ARK2C: variants seen among roughly 807,000 people sequenced by gnomAD.
ARK2C encodes the protein E3 ubiquitin-protein ligase ARK2C.
At chr18:46,337,525 T>C in the ARK2C span, 1 of 985,426 alleles carries the variant, frequency 1.0e-6, no homozygotes, top group Non-Finnish European at 1.2e-6. Flanking sequence ...TTTGTTCTGT[T>C]GCCCTTCCGA....
the ARK2C span, among the ~76,000 whole-genome samples, chr18:46,441,578 ACTACT>A: frequency 9.0e-4 from 137 of 152,330 alleles, no homozygotes; most frequent in African/African-American, 3.2e-3. Flanking sequence ...AATCATTTGT[ACTACT>A]CTTTAGAAAA....
the ARK2C span, among the ~76,000 whole-genome samples, chr18:46,376,410 C>T: frequency 6.6e-6 from 1 of 152,198 alleles, no homozygotes; most frequent in African/African-American, 2.4e-5. Flanking sequence ...CCTGGACTGC[C>T]TAGTTTTGAA....
the ARK2C span, among the ~76,000 whole-genome samples, chr18:46,424,230 T>G: frequency 6.6e-6 from 1 of 152,116 alleles, no homozygotes; most frequent in Non-Finnish European, 1.5e-5. Context: ...GATGCAATGG[T>G]CTGGCAAAGC....
At chr18:46,443,926 A>C in the ARK2C span, among the ~76,000 whole-genome samples, 1 of 152,216 alleles carries the variant, frequency 6.6e-6, no homozygotes, top group South Asian at 2.1e-4. Flanking sequence ...CACTTCTTGT[A>C]GTAACAGTCT....
chr18:46,447,752 T>A, the ARK2C span: 1 of 1,602,504 alleles, frequency 6.2e-7, no homozygotes, highest in African/African-American at 1.3e-5. Flanking sequence ...GTCTGAGGCC[T>A]GCGGTCCCCT....
At chr18:46,380,237 T>C in the ARK2C span, among the ~76,000 whole-genome samples, 1 of 152,192 alleles carries the variant, frequency 6.6e-6, no homozygotes, top group African/African-American at 2.4e-5. Context: ...TCCTCTCCTA[T>C]GGCATCTGGC....
chr18:46,369,997 T>C, the ARK2C span, among the ~76,000 whole-genome samples: 1 of 152,228 alleles, frequency 6.6e-6, no homozygotes, highest in South Asian at 2.1e-4. Context: ...TGGGAATGAT[T>C]CTGGTGTGGA....
chr18:46,387,557 T>TC, the ARK2C span, among the ~76,000 whole-genome samples: 1 of 152,248 alleles, frequency 6.6e-6, no homozygotes, highest in African/African-American at 2.4e-5. Context: ...TCCCTGTGCT[T>TC]CCCGGCACCA....
chr18:46,439,705 A>T, the ARK2C span, among the ~76,000 whole-genome samples: 5 of 8,554 alleles, frequency 5.8e-4, no homozygotes, highest in African/African-American at 1.8e-3. Flanking sequence ...CTTTTTTATT[A>T]AAAAAAACCC....
the ARK2C span, chr18:46,335,348 T>G: frequency 6.6e-6 from 1 of 152,156 alleles, no homozygotes; most frequent in Non-Finnish European, 1.5e-5. Flanking sequence ...CACATTCTGC[T>G]ACAACAATAG....
the ARK2C span, among the ~76,000 whole-genome samples, chr18:46,440,004 A>G: frequency 2.0e-5 from 3 of 152,066 alleles, no homozygotes; most frequent in African/African-American, 4.8e-5. Flanking sequence ...TAATTTTTGT[A>G]TTTTTAGTAG....
chr18:46,334,201 C>T, the ARK2C span: 7 of 949,326 alleles, frequency 7.4e-6, no homozygotes, highest in Non-Finnish European at 8.8e-6. This position sits in a 1 kb window ranked among gnomAD's most constrained non-coding sequence, Gnocchi z 4.4. Context: ...CCGCCGCCCG[C>T]GCCCGCGCCC....
the ARK2C span, among the ~76,000 whole-genome samples, chr18:46,411,488 C>G: frequency 2.6e-5 from 4 of 152,178 alleles, no homozygotes; most frequent in East Asian, 1.9e-4. Context: ...CACCAAGTCC[C>G]CTTTGCTATC....
chr18:46,450,835 G>C, the ARK2C span: 1 of 1,494,836 alleles, frequency 6.7e-7, no homozygotes. Flanking sequence ...CATAGTCAGG[G>C]AATGGGGCAG....
chr18:46,449,270 G>A, the ARK2C span, among the ~76,000 whole-genome samples: 1 of 152,174 alleles, frequency 6.6e-6, no homozygotes, highest in Admixed American at 6.5e-5. Flanking sequence ...AGGCGAGTGA[G>A]GCAGGCCATG....
At chr18:46,384,297 C>T in the ARK2C span, among the ~76,000 whole-genome samples, 3 of 152,204 alleles carry the variant, frequency 2.0e-5, no homozygotes, top group Admixed American at 6.5e-5. Flanking sequence ...TCACCTGGTG[C>T]TCCCCGTAGT....
the ARK2C span, among the ~76,000 whole-genome samples, chr18:46,447,064 A>G: frequency 6.6e-6 from 1 of 152,200 alleles, no homozygotes; most frequent in Non-Finnish European, 1.5e-5. Context: ...TTTTAAGCAA[A>G]ATGAATTTTT....
the ARK2C span, among the ~76,000 whole-genome samples, chr18:46,452,853 C>T: frequency 2.0e-5 from 3 of 152,150 alleles, no homozygotes; most frequent in African/African-American, 7.2e-5. Context: ...CCCCTTATAA[C>T]TCCGTTACTT....
chr18:46,430,212 T>C, the ARK2C span, among the ~76,000 whole-genome samples: 3 of 152,268 alleles, frequency 2.0e-5, no homozygotes, highest in Admixed American at 6.5e-5. Context: ...CATACTTGAT[T>C]AATGGTTTGG....
Sources: gnomAD v4.1 joint callset for allele counts (sites outside exome capture counted in the v4.1 genomes callset) on GRCh38, gnomAD v4.1.1 for gene constraint, Gnocchi (gnomAD v3.1) non-coding constraint, MANE v1.5 for transcripts, NCBI Gene and HGNC (gene_info 2026-07-23, HGNC 2026-07-21) for gene names.